The following MGAT5 variants were observed in gnomAD, a reference collection of about 807,000 sequenced individuals.
MGAT5 encodes alpha-1,6-mannosylglycoprotein 6-beta-N-acetylglucosaminyltransferase, also known as alpha-1,6-mannosylglycoprotein 6-beta-N-acetylglucosaminyltransferase A.
MGAT5 carries 30 observed loss-of-function variants against 94.3 expected under a neutral mutation model. That is an observed-to-expected ratio of 0.32 (90% CI 0.24 to 0.43). The LOEUF (loss-of-function observed/expected upper bound fraction) is 0.43, where lower values mean the gene tolerates loss of function less well. Ranked by LOEUF, MGAT5 falls within the 20% of genes least tolerant of loss-of-function variation. The pLI is 1.00. For synonymous variants in MGAT5, 310 were observed against 322.9 expected (o/e 0.96, Z 0.43); for missense variants, 691 against 905.5 (o/e 0.76, Z 3.04).
intron 1 of MGAT5, among the ~76,000 whole-genome samples, chr2:134,122,681 T>A (rs2104868049): frequency 1.3e-5 from 2 of 152,354 alleles, no homozygotes; most frequent in African/African-American, 4.8e-5. Context: ...TTGGGCTTTT[T>A]CTTTCATCTC....
intron 1 of MGAT5, among the ~76,000 whole-genome samples, chr2:134,200,080 TAGTA>T (rs1679706305): frequency 6.6e-6 from 1 of 152,188 alleles, no homozygotes; most frequent in African/African-American, 2.4e-5. Flanking sequence ...TACGTGCAGA[TAGTA>T]AGTCTTTTAT....
chr2:134,147,935 A>T (rs1686999153), intron 1 of MGAT5, among the ~76,000 whole-genome samples: 1 of 152,250 alleles, frequency 6.6e-6, no homozygotes, highest in South Asian at 2.1e-4. Context: ...ATAAATCCAT[A>T]TCGCACTACA....
At chr2:134,394,021 G>A (rs145041728) in intron 10 of MGAT5, among the ~76,000 whole-genome samples, 1 of 152,144 alleles carries the variant, frequency 6.6e-6, no homozygotes, top group African/African-American at 2.4e-5. Context: ...AAAGGTAAAG[G>A]TGTGTACCAT....
chr2:134,280,601 C>T lies in MGAT5; in HGVS notation c.406+10051C>T, dbSNP rs566581615. Among the ~76,000 whole-genome samples, 186 of 152,328 alleles carry T rather than the reference C, an allele frequency of 1.2e-3. 2 individuals are homozygous for T. Among genetic ancestry groups the T allele is most frequent in the African/African-American group, 4.2e-3 (176 of 41,574 alleles). On this transcript the variant is annotated intron_variant, in intron 2 of 15. Coordinates refer to ENST00000281923, the MANE Select transcript of MGAT5 (RefSeq NM_002410.5). Reference sequence around the variant, plus strand: ...TTACCTTGGTGCAGCTAGAGATGGGCTCTTGAACCAGAGAAAAGTGGACAC... The same window carrying T: ...TTACCTTGGTGCAGCTAGAGATGGGTTCTTGAACCAGAGAAAAGTGGACAC...
At chr2:134,348,961 C>G (rs912578816) in intron 8 of MGAT5, among the ~76,000 whole-genome samples, 1 of 152,176 alleles carries the variant, frequency 6.6e-6, no homozygotes, top group African/African-American at 2.4e-5. Context: ...GCTGCAGCTA[C>G]TTAGCTGTGC....
chr2:134,430,222 A>C (rs111480797), intron 14 of MGAT5, among the ~76,000 whole-genome samples: 6 of 152,348 alleles, frequency 3.9e-5, no homozygotes, highest in African/African-American at 1.4e-4. Context: ...GCCTGTCTCC[A>C]CGTCCTCTTA....
At chr2:134,331,734 G>C (rs1687987702) in intron 4 of MGAT5, among the ~76,000 whole-genome samples, 1 of 151,986 alleles carries the variant, frequency 6.6e-6, no homozygotes, top group Non-Finnish European at 1.5e-5. Context: ...GTGAAGGAAG[G>C]TGGTCATAGA....
intron 1 of MGAT5, among the ~76,000 whole-genome samples, chr2:134,178,652 A>G (rs1371142505): frequency 6.6e-6 from 1 of 152,192 alleles, no homozygotes; most frequent in African/African-American, 2.4e-5. Context: ...GCTGTGGCAC[A>G]AGGATTATAA....
intron 15 of MGAT5, among the ~76,000 whole-genome samples, chr2:134,446,760 T>C (rs1685803627): frequency 6.6e-6 from 1 of 151,630 alleles, no homozygotes; most frequent in African/African-American, 2.4e-5. Context: ...GAGAAGAGAG[T>C]CCCGCTCTCC....
At chr2:134,124,238 A>C (rs910981734) in intron 1 of MGAT5, among the ~76,000 whole-genome samples, 6 of 152,222 alleles carry the variant, frequency 3.9e-5, no homozygotes, top group Non-Finnish European at 8.8e-5. Context: ...GAGCCTTAGC[A>C]CTGTAACCAC....
intron 1 of MGAT5, among the ~76,000 whole-genome samples, chr2:134,264,643 A>G (rs1273342626): frequency 6.6e-6 from 1 of 151,490 alleles, no homozygotes; most frequent in Non-Finnish European, 1.5e-5. Context: ...CTGTAACTCT[A>G]TTATCTTTCT....
chr2:134,273,778 G>A (rs1172028264), intron 2 of MGAT5, among the ~76,000 whole-genome samples: 1 of 152,090 alleles, frequency 6.6e-6, no homozygotes, highest in Non-Finnish European at 1.5e-5. Context: ...AATTTAGGTG[G>A]AAATGAGCTT....
chr2:134,275,335 A>G (rs1205721485), intron 2 of MGAT5, among the ~76,000 whole-genome samples: 2 of 152,232 alleles, frequency 1.3e-5, no homozygotes, highest in Non-Finnish European at 2.9e-5. Flanking sequence ...GACCCTTGTC[A>G]GAAGCTATTC....
At position 134,135,441 on chromosome 2, in the gene MGAT5, C is replaced by T. The variant is rs563743621; in HGVS notation, c.-143+15150C>T. Among the ~76,000 whole-genome samples, 6 of 152,158 alleles carry T rather than the reference C, an allele frequency of 3.9e-5. No homozygotes were observed. The South Asian group carries it at 1.2e-3, about 32-fold the overall frequency. On this transcript the variant is annotated intron_variant, in intron 1 of 16. Transcript: ENST00000409645. ...TGGTGCGGTGGCTCACACCTGTAAT[C>T]CCAGCACTTTGGGAGGCAGAGGCGG...
At chr2:134,150,710 A>T (rs901192587) in intron 1 of MGAT5, among the ~76,000 whole-genome samples, 5 of 152,236 alleles carry the variant, frequency 3.3e-5, no homozygotes, top group African/African-American at 1.2e-4. Context: ...GACAGTTTTA[A>T]ATATTTACAT....
At chr2:134,397,323 G>T (rs1682771023) in intron 10 of MGAT5, among the ~76,000 whole-genome samples, 1 of 152,156 alleles carries the variant, frequency 6.6e-6, no homozygotes, top group Non-Finnish European at 1.5e-5. Flanking sequence ...TGCAAATCCA[G>T]GGCAGCAAGG....
chr2:134,127,250 ATCT>A (rs1685883767), intron 1 of MGAT5: 1 of 154,606 alleles, frequency 6.5e-6, no homozygotes, highest in Admixed American at 6.5e-5. Flanking sequence ...CCCTCTGTTC[ATCT>A]TGATTGCCTT....
chr2:134,394,947 C>G (rs899404725), intron 10 of MGAT5, among the ~76,000 whole-genome samples: 1 of 152,228 alleles, frequency 6.6e-6, no homozygotes, highest in Non-Finnish European at 1.5e-5. Flanking sequence ...AAGGCAAAAC[C>G]TTCCACTGTG....
intron 10 of MGAT5, among the ~76,000 whole-genome samples, chr2:134,383,727 ACAGT>A (rs914736409): frequency 6.7e-6 from 1 of 148,262 alleles, no homozygotes; most frequent in Non-Finnish European, 1.5e-5. Context: ...TTTTTTTGAG[ACAGT>A]CTCACTGTGT....
Sources: allele counts gnomAD v4.1 joint callset (sites outside exome capture counted in the v4.1 genomes callset), GRCh38; gene constraint gnomAD v4.1.1; transcripts MANE v1.5; gene names NCBI Gene and HGNC (gene_info 2026-07-23, HGNC 2026-07-21).